Variants in IL11RA observed in about 807,000 individuals in gnomAD.
IL11RA encodes the protein interleukin-11 receptor subunit alpha.
IL11RA carries 51 observed loss-of-function variants against 57.0 expected under a neutral mutation model. The observed-to-expected ratio is 0.89, with a 90% CI of 0.71 to 1.13. IL11RA has a LOEUF of 1.13. IL11RA is among the 50% of genes most tolerant of loss of function. IL11RA has a pLI of 0.00. For missense variants in IL11RA, 498 were observed against 539.4 expected (o/e 0.92, Z 0.76); for synonymous variants, 199 against 217.5 (o/e 0.91, Z 0.75).
rs747671818 is a variant in IL11RA at position 34,660,575 on chromosome 9, G to C, written c.1144G>C (p.Ala382Pro). The change falls in exon 11 of 13, where the codon GCT becomes CCT. Residue 382 changes from alanine to proline, a missense_variant. Coordinates refer to ENST00000441545, the MANE Select transcript of IL11RA (RefSeq NM_001142784.3). ...AATCCTTTCTTTCCTGGGACTGGTG[G>C]CTGGGGCCCTGGCACTGGGGCTCTG... ...LGILSFLGLV[A>P]GALALGLWLR... is the part of the protein sequence containing the mutation. The C allele has an allele frequency of 1.2e-6, 2 of 1,614,096 alleles. No homozygotes were observed. The highest frequency in any genetic ancestry group is 3.3e-5 in the Admixed American group (2 of 60,026).
At position 34,657,456 on chromosome 9, in the gene IL11RA, A is replaced by G; in HGVS notation, c.515A>G (p.Gln172Arg). The change falls in exon 7 of 13, where the codon CAG (glutamine) becomes CGG (arginine). Residue 172 changes from glutamine (Q) to arginine (R), a missense_variant. Physicochemically the swap from Gln to Arg is conservative, Grantham distance 43 (BLOSUM62 1). Transcript: ENST00000441545. ...SPSTGPWPCPQDPLGAARCVV... is the reference protein window; with the variant it reads ...SPSTGPWPCPRDPLGAARCVV... ...TCCACAGGGCCCTGGCCATGCCCACAGGATCCCCTAGGGGCTGCCCGCTGT... is the reference window on the plus strand; with the variant it reads ...TCCACAGGGCCCTGGCCATGCCCACGGGATCCCCTAGGGGCTGCCCGCTGT... The G allele has an allele frequency of 6.2e-7, 1 of 1,614,152 alleles. No individual in the cohort carries two copies. The highest frequency in any genetic ancestry group is 8.5e-7 in the Non-Finnish European group (1 of 1,179,992).
At chr9:34,656,551 G>C (rs930498571) in intron 3 of IL11RA, among the ~76,000 whole-genome samples, 188 bp from the exon 4 acceptor site, 3 of 152,242 alleles carry the variant, frequency 2.0e-5, no homozygotes, top group Non-Finnish European at 4.4e-5. Context: ...CAGTGGGTGA[G>C]GGGGAGAGAG....
Position 34,657,059 on chromosome 9 carries a change from C to T in IL11RA, c.356C>T (p.Ser119Phe). The T allele has an allele frequency of 1.2e-6, 2 of 1,614,176 alleles. No homozygotes were observed. Among genetic ancestry groups the T allele is most frequent in the Non-Finnish European group, 1.7e-6 (2 of 1,180,036 alleles). ...GACCCTCCAGCCCGCCCTGTTGTCT[C>T]CTGCCAAGCAGCCGACTATGAGAAC... ...LGYPPARPVVSCQAADYENFS... is the reference protein window; with the variant it reads ...LGYPPARPVVFCQAADYENFS... Residue 119 changes from serine (S) to phenylalanine (F), a missense_variant, in exon 5 of 13, where the codon TCC (serine) becomes TTC (phenylalanine). Ser to Phe is a radical substitution (Grantham distance 155). Coordinates refer to ENST00000441545, the MANE Select transcript of IL11RA (RefSeq NM_001142784.3).
rs569145357 is a variant in IL11RA, at chr9:34,657,446, C to G, written c.505C>G (p.Pro169Ala). ...QRRSPSTGPW[P>A]CPQDPLGAAR... ...GAGGAGTCCATCCACAGGGCCCTGG[C>G]CATGCCCACAGGATCCCCTAGGGGC... is the stretch of plus-strand genomic sequence containing the variant. Residue 169 changes from proline (P) to alanine (A), a missense_variant, in exon 7 of 13, where the codon CCA (proline) becomes GCA (alanine). Physicochemically the swap from Pro to Ala is conservative, Grantham distance 27. Coordinates refer to ENST00000441545, the MANE Select transcript of IL11RA (RefSeq NM_001142784.3). 6.2e-7 allele frequency: 1 copy of G among 1,614,182 alleles called. No individual in the cohort carries two copies. The highest frequency in any genetic ancestry group is 1.7e-5 in the Admixed American group (1 of 60,030).
chr9:34,655,773 C>T, intron 3 of IL11RA, 108 bp downstream of exon 3: 2 of 894,106 alleles, frequency 2.2e-6, no homozygotes, highest in South Asian at 1.4e-5. Context: ...CCGTAATCCT[C>T]ACCTCTCTAT....
In IL11RA at chr9:34,653,973, G is replaced by GCTAGGACTA. The variant is rs1462545695; in HGVS notation, c.1-1245_1-1244insCTAGGACTA. The GCTAGGACTA allele has an allele frequency of 6.5e-6, 1 of 152,674 alleles. No individual in the cohort carries two copies. Among genetic ancestry groups the GCTAGGACTA allele is most frequent in the Admixed American group, 6.5e-5 (1 of 15,282 alleles). 9.5% of individuals were successfully genotyped at this position (152,674 alleles called of 1,614,324 possible). ...GGTGAGAGGAAGTCCTAGAGGCTAT[G>GCTAGGACTA]GACACTCTGCTGCTGGGATCACCGA... On this transcript the variant is annotated intron_variant, in intron 1 of 12. Transcript: ENST00000441545. The surrounding 1 kb of genome is among the most constrained non-coding windows in gnomAD (Gnocchi z 4.5).
In IL11RA at chr9:34,658,336, G is replaced by A. The variant is rs879573816; in HGVS notation, c.647-184G>A. 6.6e-5 allele frequency among the ~76,000 whole-genome samples: 10 copies of A among 152,140 alleles called. No homozygotes were observed. Among genetic ancestry groups the A allele is most frequent in the African/African-American group, 1.7e-4 (7 of 41,430 alleles). On this transcript the variant is annotated intron_variant, in intron 7 of 12. Coordinates refer to ENST00000441545, the MANE Select transcript of IL11RA (RefSeq NM_001142784.3). This position sits in a 1 kb window ranked among gnomAD's most constrained non-coding sequence, Gnocchi z 4.0. ...AGATTACAGGCATGAGCCACCACAC[G>A]CGGCCTCAGCCCATTTCATAATACA...
Position 34,653,601 on chromosome 9 carries a change from C to A in IL11RA, c.-1+1368C>A, listed in dbSNP as rs543187630. On this transcript the variant is annotated intron_variant, in intron 1 of 12. Transcript: ENST00000441545. The surrounding 1 kb of genome is among the most constrained non-coding windows in gnomAD (Gnocchi z 4.5). ...GTGTCCACGTGTGTTCAAAGGCATG[C>A]CCTTTTGTTAACTGTGCCTCTTGAG... is the stretch of plus-strand genomic sequence containing the variant. Among the ~76,000 whole-genome samples the A allele has an allele frequency of 1.2e-4, 19 of 152,322 alleles. No homozygotes were observed. The highest frequency in any genetic ancestry group is 9.1e-4 in the Admixed American group (14 of 15,302).
rs1396694388 is a variant in IL11RA, at chr9:34,661,591, A to T, written c.*93A>T. 18 of 1,350,234 alleles carry T rather than the reference A, an allele frequency of 1.3e-5. No individual in the cohort carries two copies. Among genetic ancestry groups the T allele is most frequent in the Non-Finnish European group, 1.9e-5 (18 of 939,792 alleles). 83.6% of individuals were successfully genotyped at this position (1,350,234 alleles called of 1,614,324 possible). ...CAGGACAGTAGATCCCTATGGTTGGATCTCAGCTGGAAGTTCTGTTTGGAG... is the reference window on the plus strand; with the variant it reads ...CAGGACAGTAGATCCCTATGGTTGGTTCTCAGCTGGAAGTTCTGTTTGGAG... On this transcript the variant is annotated 3_prime_UTR_variant, in exon 13 of 13. Transcript: ENST00000441545.
chr9:34,654,999 G>A, intron 1 of IL11RA: 7 of 530,462 alleles, frequency 1.3e-5, no homozygotes, highest in Non-Finnish European at 2.4e-5. Flanking sequence ...GTGTCCGTGT[G>A]TGTGTGTGTG....
At chr9:34,660,073 C>T (rs976827008) in intron 9 of IL11RA, among the ~76,000 whole-genome samples, 173 bp downstream of exon 9, 2 of 152,262 alleles carry the variant, frequency 1.3e-5, no homozygotes, top group South Asian at 2.1e-4. Flanking sequence ...TAAGTCCTGC[C>T]CCTTGGCCTC....
intron 5 of IL11RA, 67 bp downstream of exon 5, chr9:34,657,216 G>T: frequency 6.2e-7 from 1 of 1,607,460 alleles, no homozygotes; most frequent in Non-Finnish European, 8.5e-7. Flanking sequence ...GGTGTGGGAG[G>T]CAGGGAGGTA....
At chr9:34,656,962 G>A in intron 4 of IL11RA, 54 bp downstream of exon 4, 1 of 1,611,506 alleles carries the variant, frequency 6.2e-7, no homozygotes. Flanking sequence ...GGGAGTATGG[G>A]ACCTAAGTAA....
At chr9:34,660,776 C>A in intron 11 of IL11RA, 78 bp from the exon 12 acceptor site, 1 of 1,349,006 alleles carries the variant, frequency 7.4e-7, no homozygotes, top group Non-Finnish European at 1.1e-6. Context: ...CCTCTCCTGA[C>A]CCTTTACTAA....
Position 34,657,031 on chromosome 9 carries a change from C to G in IL11RA, c.332-4C>G, listed in dbSNP as rs200417443. ...CAGTCTCCAGGTGTACCCTCTGCCT[C>G]TAGACCCTCCAGCCCGCCCTGTTGT... On this transcript the variant is annotated splice_region_variant and splice_polypyrimidine_tract_variant and intron_variant, in intron 4 of 12. Transcript: ENST00000441545. 7.4e-6 allele frequency: 12 copies of G among 1,613,966 alleles called. No individual in the cohort carries two copies. In the Admixed American group the frequency reaches 1.2e-4, roughly 16 times the overall value.
At position 34,657,067 on chromosome 9, in the gene IL11RA, G is replaced by A. The variant is rs1821358992; in HGVS notation, c.364G>A (p.Ala122Thr). The A allele has an allele frequency of 6.2e-7, 1 of 1,614,166 alleles. No homozygotes were observed. The highest frequency in any genetic ancestry group is 8.5e-7 in the Non-Finnish European group (1 of 1,180,038). Residue 122 changes from alanine to threonine, a missense_variant, in exon 5 of 13, where the codon GCA becomes ACA. Ala to Thr is a moderately conservative substitution (Grantham distance 58). Coordinates refer to ENST00000441545, the MANE Select transcript of IL11RA (RefSeq NM_001142784.3). ...AGCCCGCCCTGTTGTCTCCTGCCAAGCAGCCGACTATGAGAACTTCTCTTG... is the reference window on the plus strand; with the variant it reads ...AGCCCGCCCTGTTGTCTCCTGCCAAACAGCCGACTATGAGAACTTCTCTTG... The part of the protein sequence containing the change: ...PPARPVVSCQ[A>T]ADYENFSCTW...
chr9:34,657,188 G>A (rs766793151), intron 5 of IL11RA, 39 bp downstream of exon 5: 3 of 1,605,626 alleles, frequency 1.9e-6, no homozygotes. Context: ...ACACATTTGG[G>A]TATGCTGGTG....
intron 7 of IL11RA, among the ~76,000 whole-genome samples, 177 bp downstream of exon 7, chr9:34,657,764 T>G (rs1384402595): frequency 1.3e-5 from 2 of 152,174 alleles, no homozygotes; most frequent in Admixed American, 1.3e-4. Flanking sequence ...CATGGTTATT[T>G]CAGCACACAC....
Position 34,659,852 on chromosome 9 carries a change from GGCACCTGGA to G in IL11RA, c.916_924del (p.Thr306_Ser308del). On this transcript the variant is annotated inframe_deletion, in exon 9 of 13. Transcript: ENST00000441545. ...CAGTGCCCGGGACTTTCTAGATGCT[GGCACCTGGA>G]GCACCTGGAGCCCGGAGGCCTGGGG... 2.5e-6 allele frequency: 4 copies of G among 1,614,202 alleles called. No homozygotes were observed. Among genetic ancestry groups the G allele is most frequent in the South Asian group, 1.1e-5 (1 of 91,088 alleles).
Sources: allele counts gnomAD v4.1 joint callset (sites outside exome capture counted in the v4.1 genomes callset), GRCh38; gene constraint gnomAD v4.1.1; non-coding constraint Gnocchi (gnomAD v3.1); transcripts MANE v1.5; gene names NCBI Gene and HGNC (gene_info 2026-07-23, HGNC 2026-07-21).